Variants in KCNT2 observed in about 807,000 individuals in gnomAD.
KCNT2 encodes potassium channel subfamily T member 2.
Under a neutral mutation model 153.8 loss-of-function variants are expected in KCNT2, and 67 were observed. The ratio of observed to expected loss-of-function variants is 0.44; its 90% CI spans 0.36 to 0.53. The LOEUF is 0.53. Among genes scored for constraint, KCNT2 ranks in the 20% least tolerant of loss-of-function variants. The pLI, the probability that KCNT2 is intolerant of heterozygous loss-of-function variation, is 0.00. For synonymous variants in KCNT2, 500 were observed against 458.8 expected (o/e 1.09, Z -1.15); for missense variants, 975 against 1,354.8 (o/e 0.72, Z 4.40).
At chr1:196,573,833 T>C (rs1360175450) in intron 1 of KCNT2, among the ~76,000 whole-genome samples, 1 of 151,832 alleles carries the variant, frequency 6.6e-6, no homozygotes, top group Non-Finnish European at 1.5e-5. Context: ...TTATGTTTTT[T>C]TAACTTTATC....
chr1:196,430,120 T>C (rs2148544502), intron 8 of KCNT2, among the ~76,000 whole-genome samples: 1 of 152,170 alleles, frequency 6.6e-6, no homozygotes, highest in East Asian at 1.9e-4. Flanking sequence ...TTTTTCTTTT[T>C]TTTTATAATT....
rs777252935 is a variant in KCNT2 at position 196,373,124 on chromosome 1, GAA to G, written c.1403+14_1403+15del. 13 of 1,218,746 alleles carry G rather than the reference GAA, an allele frequency of 1.1e-5. No homozygotes were observed. The highest frequency in any genetic ancestry group is 1.9e-5 in the Admixed American group (1 of 53,128). 75.5% of individuals were successfully genotyped at this position (1,218,746 alleles called of 1,614,324 possible). On this transcript the variant is annotated intron_variant, in intron 14 of 27. Transcript: ENST00000294725. ...ATATAATTTAAAAGGTTAACTTAAA[GAA>G]AAAATATACTTACTGCCCTCTAGAG...
chr1:196,418,972 G>A (rs1672970681), intron 12 of KCNT2, among the ~76,000 whole-genome samples: 1 of 151,914 alleles, frequency 6.6e-6, no homozygotes, highest in African/African-American at 2.4e-5. Context: ...TCTGACTGCT[G>A]GCACTGAGAG....
chr1:196,429,724 T>G lies in KCNT2; in HGVS notation c.672A>C (p.Gly224=), dbSNP rs776332735. The part of the protein sequence containing the change: ...ICGIQHLERI[G]KKLNLFDSLY... ...GGGAGTCAAAGAGATTCAGCTTCTT[T>G]CCTATTCGTTCCAGATGTTGGATCC... The change falls in exon 9 of 28, where the codon GGA becomes GGC. Residue 224 remains glycine (G), a synonymous_variant. Transcript: ENST00000294725. 13 of 1,607,496 alleles carry G rather than the reference T, an allele frequency of 8.1e-6. No individual in the cohort carries two copies. In the African/African-American group the frequency reaches 1.5e-4, roughly 18 times the overall value.
chr1:196,359,017 TC>T (rs937760514), intron 14 of KCNT2, among the ~76,000 whole-genome samples: 1 of 151,980 alleles, frequency 6.6e-6, no homozygotes, highest in Non-Finnish European at 1.5e-5. Flanking sequence ...GGAACCCAGC[TC>T]CAAATTATCT....
intron 1 of KCNT2, among the ~76,000 whole-genome samples, chr1:196,577,962 T>A (rs1489944187): frequency 6.6e-6 from 1 of 152,162 alleles, no homozygotes; most frequent in Non-Finnish European, 1.5e-5. Context: ...CTGTTTCTCA[T>A]GCATGTTATT....
At chr1:196,593,990 A>G (rs1040412765) in intron 1 of KCNT2, among the ~76,000 whole-genome samples, 11 of 152,184 alleles carry the variant, frequency 7.2e-5, no homozygotes, top group Admixed American at 5.2e-4. Context: ...AGACCAACAC[A>G]CACACACACA....
chr1:196,444,421 C>T (rs1406842725), intron 8 of KCNT2, among the ~76,000 whole-genome samples: 2 of 151,120 alleles, frequency 1.3e-5, no homozygotes, highest in South Asian at 2.1e-4. Flanking sequence ...AAGCATAATG[C>T]CTATTCTGCT....
intron 27 of KCNT2, among the ~76,000 whole-genome samples, chr1:196,234,817 A>T (rs750117369): frequency 7.3e-5 from 11 of 151,446 alleles, no homozygotes; most frequent in African/African-American, 1.2e-4. Context: ...AGACACAAAC[A>T]CATCCTATGG....
chr1:196,349,920 A>C (rs561329654), intron 14 of KCNT2, among the ~76,000 whole-genome samples: 1 of 151,122 alleles, frequency 6.6e-6, no homozygotes, highest in Non-Finnish European at 1.5e-5. Context: ...ATGTGTTCTC[A>C]TTGTTAAATT....
chr1:196,387,863 G>T (rs1670128936), intron 13 of KCNT2, among the ~76,000 whole-genome samples: 1 of 150,490 alleles, frequency 6.6e-6, no homozygotes, highest in Non-Finnish European at 1.5e-5. Context: ...CCAGTCTGGG[G>T]TTCGCCATTC....
At chr1:196,265,417 G>C (rs1657445565) in intron 25 of KCNT2, among the ~76,000 whole-genome samples, 2 of 152,126 alleles carry the variant, frequency 1.3e-5, no homozygotes, top group African/African-American at 4.8e-5. Context: ...CGGGAGTTTG[G>C]TAATAGCTCC....
intron 11 of KCNT2, among the ~76,000 whole-genome samples, chr1:196,424,573 T>C (rs1453210672): frequency 6.6e-6 from 1 of 151,748 alleles, no homozygotes; most frequent in East Asian, 1.9e-4. Context: ...TGACCACAAA[T>C]ATAAAGTATT....
At chr1:196,459,167 C>T (rs1272059784) in intron 8 of KCNT2, among the ~76,000 whole-genome samples, 1 of 151,570 alleles carries the variant, frequency 6.6e-6, no homozygotes, top group Non-Finnish European at 1.5e-5. Flanking sequence ...AAATGTCTCA[C>T]TCTCTTGAGC....
chr1:196,379,059 G>A (rs951625057), intron 13 of KCNT2, among the ~76,000 whole-genome samples: 1 of 151,596 alleles, frequency 6.6e-6, no homozygotes, highest in African/African-American at 2.4e-5. Flanking sequence ...TTGTCTGATG[G>A]GACAATGTGC....
At chr1:196,528,251 A>C (rs1401491463) in intron 1 of KCNT2, among the ~76,000 whole-genome samples, 1 of 152,222 alleles carries the variant, frequency 6.6e-6, no homozygotes, top group African/African-American at 2.4e-5. Flanking sequence ...TCAGATGTAG[A>C]ATTATTGTGA....
chr1:196,431,866 G>A (rs910231856), intron 8 of KCNT2, among the ~76,000 whole-genome samples: 1 of 152,082 alleles, frequency 6.6e-6, no homozygotes, highest in Non-Finnish European at 1.5e-5. Flanking sequence ...GTTTGTCCAA[G>A]CAACTATGTG....
Position 196,482,398 on chromosome 1 carries a change from T to C in KCNT2, c.276-19A>G. 3 of 1,385,986 alleles carry C rather than the reference T, an allele frequency of 2.2e-6. No homozygotes were observed. The highest frequency in any genetic ancestry group is 2.9e-6 in the Non-Finnish European group (3 of 1,017,310). 85.9% of individuals were successfully genotyped at this position (1,385,986 alleles called of 1,614,324 possible). On this transcript the variant is annotated intron_variant, in intron 3 of 27. Coordinates refer to ENST00000294725, the MANE Select transcript of KCNT2 (RefSeq NM_198503.5). ...ATGAGACCTATAAAAAGAATAATAA[T>C]AAGTTAGTTTTTTAAAATATGAAAA...
rs762808238 is a variant in KCNT2, at chr1:196,228,207, T to A, written c.*17A>T. On this transcript the variant is annotated 3_prime_UTR_variant, in exon 28 of 28. Transcript: ENST00000294725. ...AGCAAGGTCTTTGTAGGAAAAAAGT[T>A]TCTCATTTTATTTTTATCAAAGTTG... The A allele has an allele frequency of 6.6e-7, 1 of 1,509,426 alleles. No individual in the cohort carries two copies. The highest frequency in any genetic ancestry group is 1.2e-5 in the South Asian group (1 of 86,730). 93.5% of individuals were successfully genotyped at this position (1,509,426 alleles called of 1,614,324 possible).
Sources: allele counts gnomAD v4.1 joint callset (sites outside exome capture counted in the v4.1 genomes callset), GRCh38; gene constraint gnomAD v4.1.1; transcripts MANE v1.5; gene names NCBI Gene and HGNC (gene_info 2026-07-23, HGNC 2026-07-21).